The following ZNF469 variants were observed in gnomAD, a reference collection of about 807,000 sequenced individuals.
ZNF469 encodes zinc finger protein 469.
ZNF469 carries 1 observed loss-of-function variant against 1.0 expected under a neutral mutation model. The ratio of observed to expected loss-of-function variants is 1.00; its 90% CI spans 0.35 to 4.73. ZNF469 has a LOEUF of 4.73. ZNF469 is among the 30% of genes most tolerant of loss of function. The probability of loss-of-function intolerance (pLI) is 0.16; values close to 1 mark genes in which losing one functional copy is unlikely to be tolerated. For synonymous variants in ZNF469, 2,703 were observed against 2,363.4 expected, an observed-to-expected ratio of 1.14 and a Z score of -4.17; for missense variants, 6,100 against 5,356.3, an observed-to-expected ratio of 1.14 and a Z score of -4.33.
At chr16:88,240,455 A>T in the ZNF469 span, among the ~76,000 whole-genome samples, 1 of 152,186 alleles carries the variant, frequency 6.6e-6, no homozygotes, top group Non-Finnish European at 1.5e-5. Flanking sequence ...GCCTTTCTGT[A>T]TGGGATCGGT....
At chr16:88,331,200 A>G in the ZNF469 span, among the ~76,000 whole-genome samples, 2 of 144,102 alleles carry the variant, frequency 1.4e-5, no homozygotes, top group African/African-American at 5.3e-5. Context: ...CACCATCACC[A>G]CCACCATCAC....
rs1906359412 is a variant in ZNF469, at chr16:88,433,658, G to A, written c.6188G>A (p.Arg2063Lys). The A allele has an allele frequency of 1.3e-6, 2 of 1,550,120 alleles. No individual in the cohort carries two copies. Among genetic ancestry groups the A allele is most frequent in the African/African-American group, 1.4e-5 (1 of 73,160 alleles). The change falls in exon 3 of 3, where the codon AGG (arginine) becomes AAG (lysine). Residue 2063 changes from arginine to lysine, a missense_variant. Coordinates refer to ENST00000565624, the MANE Select transcript of ZNF469 (RefSeq NM_001367624.2). ...EPTPSPPSPN[R>K]ESLALALTAA... ...ACCCCAAGCCCCCCGTCCCCTAATA[G>A]GGAGTCCCTGGCGCTGGCCTTGACA... is the stretch of plus-strand genomic sequence containing the variant.
chr16:88,383,753 G>C (rs535658995), intron 1 of ZNF469, among the ~76,000 whole-genome samples: 1 of 151,954 alleles, frequency 6.6e-6, no homozygotes, highest in African/African-American at 2.4e-5. Context: ...CTCCGAGCGC[G>C]GCATAGGCTT....
At chr16:88,159,329 G>A in the ZNF469 span, among the ~76,000 whole-genome samples, 51 of 152,286 alleles carry the variant, frequency 3.3e-4, no homozygotes, top group African/African-American at 1.2e-3. Flanking sequence ...GATCAGGAGC[G>A]ATTGTGCCTG....
chr16:88,355,162 C>T, the ZNF469 span, among the ~76,000 whole-genome samples: 5 of 152,300 alleles, frequency 3.3e-5, no homozygotes, highest in Non-Finnish European at 5.9e-5. Context: ...CCGCCAGCCT[C>T]GGCCTCTCAA....
chr16:88,148,729 T>A, the ZNF469 span, among the ~76,000 whole-genome samples: 1 of 152,156 alleles, frequency 6.6e-6, no homozygotes, highest in African/African-American at 2.4e-5. Flanking sequence ...CCTGCCTTGG[T>A]GGCGGTGAGG....
chr16:88,251,536 G>GTGTTTTTTTTTTTTTTTTTTTT, the ZNF469 span, among the ~76,000 whole-genome samples: 16 of 78,786 alleles, frequency 2.0e-4, 1 homozygote, highest in Non-Finnish European at 3.0e-4. Flanking sequence ...TGTCCCTGCT[G>GTGTTTTTTTTTTTTTTTTTTTT]TCTTTTTTTT....
chr16:88,392,379 C>G (rs1010168560), intron 1 of ZNF469, among the ~76,000 whole-genome samples: 23 of 152,266 alleles, frequency 1.5e-4, no homozygotes, highest in African/African-American at 5.5e-4. Context: ...TAGGTGCCTC[C>G]TCCCCAGCCC....
At chr16:88,313,736 C>T in the ZNF469 span, among the ~76,000 whole-genome samples, 5 of 151,452 alleles carry the variant, frequency 3.3e-5, no homozygotes, top group African/African-American at 1.2e-4. Flanking sequence ...GGACTGTCAT[C>T]TCTGTAATTC....
chr16:88,320,136 T>G, the ZNF469 span, among the ~76,000 whole-genome samples: 1 of 152,368 alleles, frequency 6.6e-6, no homozygotes, highest in East Asian at 1.9e-4. Flanking sequence ...CGGGGGAAGC[T>G]GCTTGCCGTG....
the ZNF469 span, among the ~76,000 whole-genome samples, chr16:88,116,039 G>C: frequency 6.6e-6 from 1 of 152,368 alleles, no homozygotes; most frequent in East Asian, 1.9e-4. Flanking sequence ...AGGATGGAAA[G>C]AGAAACTGCA....
At chr16:88,161,490 C>T in the ZNF469 span, among the ~76,000 whole-genome samples, 1 of 152,172 alleles carries the variant, frequency 6.6e-6, no homozygotes, top group African/African-American at 2.4e-5. Flanking sequence ...AATGAAAACA[C>T]GAAACAAACT....
At chr16:88,199,376 C>T in the ZNF469 span, among the ~76,000 whole-genome samples, 1 of 152,236 alleles carries the variant, frequency 6.6e-6, no homozygotes, top group African/African-American at 2.4e-5. Context: ...CAAATGAGAG[C>T]AGGTCAGGGC....
the ZNF469 span, among the ~76,000 whole-genome samples, chr16:88,119,046 C>T: frequency 6.6e-6 from 1 of 152,158 alleles, no homozygotes; most frequent in Non-Finnish European, 1.5e-5. Context: ...TGTTTTTGCT[C>T]GTTTCAAAGT....
the ZNF469 span, among the ~76,000 whole-genome samples, chr16:88,140,794 G>A: frequency 5.3e-4 from 81 of 152,284 alleles, no homozygotes; most frequent in African/African-American, 1.8e-3. Flanking sequence ...TTAGCCGGGC[G>A]TGGTGGCGGG....
chr16:88,120,256 G>A, the ZNF469 span, among the ~76,000 whole-genome samples: 1 of 152,230 alleles, frequency 6.6e-6, no homozygotes, highest in Admixed American at 6.5e-5. Context: ...GCCTGCCTCA[G>A]CAGAGCCTCG....
At chr16:88,225,578 G>T in the ZNF469 span, among the ~76,000 whole-genome samples, 1 of 144,828 alleles carries the variant, frequency 6.9e-6, no homozygotes, top group South Asian at 2.3e-4. Context: ...GCCCTCTGCC[G>T]CAGCCTGTGT....
rs1223208645 is a variant in ZNF469, at chr16:88,434,949, G to C, written c.7479G>C (p.Arg2493Ser). Residue 2493 changes from arginine (R) to serine (S), a missense_variant, in exon 3 of 3, where the codon AGG becomes AGC. Physicochemically the swap from Arg to Ser is moderately radical, Grantham distance 110. Transcript: ENST00000565624. The stretch of plus-strand genomic sequence containing the variant: ...CGGGCCTGAGCCGGCACAAGGCCAG[G>C]AAGCACCGGCCACACCCGGGAGCCC... ...SGPGLSRHKA[R>S]KHRPHPGAPA... 2 of 1,549,856 alleles carry C rather than the reference G, an allele frequency of 1.3e-6. No homozygotes were observed. The highest frequency in any genetic ancestry group is 2.7e-5 in the African/African-American group (2 of 73,062).
At chr16:88,390,362 G>A (rs1256780605) in intron 1 of ZNF469, among the ~76,000 whole-genome samples, 2 of 152,228 alleles carry the variant, frequency 1.3e-5, no homozygotes, top group East Asian at 3.8e-4. Context: ...CCTGTCCAGA[G>A]CCTACCCAGT....
Sources: allele counts gnomAD v4.1 joint callset (sites outside exome capture counted in the v4.1 genomes callset), GRCh38; gene constraint gnomAD v4.1.1; transcripts MANE v1.5; gene names NCBI Gene and HGNC (gene_info 2026-07-23, HGNC 2026-07-21).